Variants in BCKDHB observed in about 807,000 individuals in gnomAD.
BCKDHB encodes 2-oxoisovalerate dehydrogenase subunit beta, mitochondrial.
Under a neutral mutation model 48.5 loss-of-function variants are expected in BCKDHB, and 41 were observed. The observed-to-expected ratio is 0.85, with a 90% CI of 0.66 to 1.10. The LOEUF (loss-of-function observed/expected upper bound fraction) is 1.10. BCKDHB is among the 50% of genes least tolerant of loss of function. The pLI, the probability that BCKDHB is intolerant of heterozygous loss-of-function variation, is 0.00. For synonymous variants in BCKDHB, 201 were observed against 174.8 expected, an observed-to-expected ratio of 1.15 and a Z score of -1.18; for missense variants, 496 against 494.2, an observed-to-expected ratio of 1.00 and a Z score of -0.03.
intron 8 of BCKDHB, among the ~76,000 whole-genome samples, chr6:80,210,920 T>C (rs1398104791): frequency 6.6e-6 from 1 of 152,152 alleles, no homozygotes; most frequent in East Asian, 1.9e-4. Context: ...AAAAGTGAGC[T>C]GCCGTGTTAA....
At chr6:80,454,813 G>T in the BCKDHB span, among the ~76,000 whole-genome samples, 1 of 152,184 alleles carries the variant, frequency 6.6e-6, no homozygotes, top group South Asian at 2.1e-4. Flanking sequence ...TTTACGTTCT[G>T]CAGTCTAGCC....
intron 6 of BCKDHB, among the ~76,000 whole-genome samples, chr6:80,180,993 G>A (rs1325956571): frequency 2.0e-5 from 3 of 152,084 alleles, no homozygotes; most frequent in Non-Finnish European, 4.4e-5. Context: ...ATAAAAAATA[G>A]CAGTTCCTTA....
At chr6:80,445,712 A>C in the BCKDHB span, among the ~76,000 whole-genome samples, 1 of 152,190 alleles carries the variant, frequency 6.6e-6, no homozygotes, top group African/African-American at 2.4e-5. Flanking sequence ...ACCTACCCTT[A>C]TCTGCTCCTG....
chr6:80,269,622 C>T (rs1777652923), intron 8 of BCKDHB, among the ~76,000 whole-genome samples: 1 of 152,042 alleles, frequency 6.6e-6, no homozygotes, highest in Non-Finnish European at 1.5e-5. Flanking sequence ...CTTGCAAATC[C>T]AGCCTTACGT....
intron 8 of BCKDHB, among the ~76,000 whole-genome samples, chr6:80,263,848 A>G (rs1582464464): frequency 6.6e-6 from 1 of 152,074 alleles, no homozygotes; most frequent in East Asian, 1.9e-4. Flanking sequence ...CTGGGAGTAC[A>G]AGGGATGATG....
intron 8 of BCKDHB, among the ~76,000 whole-genome samples, chr6:80,220,500 T>C (rs1433212087): frequency 6.6e-6 from 1 of 150,648 alleles, no homozygotes; most frequent in Non-Finnish European, 1.5e-5. Flanking sequence ...TTTATGTCTC[T>C]TTCTTCTCTA....
chr6:80,276,118 AGTTATT>A (rs2127968984), intron 9 of BCKDHB, among the ~76,000 whole-genome samples: 1 of 152,154 alleles, frequency 6.6e-6, no homozygotes, highest in African/African-American at 2.4e-5. Context: ...TAAAATATGA[AGTTATT>A]GTTGGTTCAA....
the BCKDHB span, among the ~76,000 whole-genome samples, chr6:80,421,912 G>T: frequency 6.6e-6 from 1 of 152,164 alleles, no homozygotes; most frequent in East Asian, 1.9e-4. Flanking sequence ...TGACCATGAG[G>T]TAGAAAAGAA....
intron 8 of BCKDHB, among the ~76,000 whole-genome samples, chr6:80,234,691 T>C (rs1263721408): frequency 1.3e-5 from 2 of 152,086 alleles, no homozygotes; most frequent in African/African-American, 4.8e-5. Context: ...GCTGGCTGTG[T>C]ATACTAAAAA....
intron 1 of BCKDHB, among the ~76,000 whole-genome samples, chr6:80,114,680 C>T (rs545138985): frequency 1.3e-5 from 2 of 152,182 alleles, no homozygotes; most frequent in East Asian, 3.9e-4. Flanking sequence ...AGGGTAGTGC[C>T]GTTTGCTAAG....
At chr6:80,413,120 T>C in the BCKDHB span, among the ~76,000 whole-genome samples, 5 of 152,200 alleles carry the variant, frequency 3.3e-5, no homozygotes, top group Admixed American at 6.5e-5. Flanking sequence ...TCTCTGCTCC[T>C]CTGCAACTCT....
At chr6:80,326,695 C>T (rs1769047145) in intron 9 of BCKDHB, among the ~76,000 whole-genome samples, 1 of 152,092 alleles carries the variant, frequency 6.6e-6, no homozygotes, top group Non-Finnish European at 1.5e-5. Context: ...CGAGACCAGC[C>T]TGGGCAATAT....
the BCKDHB span, among the ~76,000 whole-genome samples, chr6:80,357,157 G>T: frequency 6.6e-6 from 1 of 152,046 alleles, no homozygotes; most frequent in African/African-American, 2.4e-5. Flanking sequence ...CTTTGCAAAG[G>T]TATGGGCGGA....
chr6:80,318,429 G>A (rs1768549212), intron 9 of BCKDHB, among the ~76,000 whole-genome samples: 1 of 152,252 alleles, frequency 6.6e-6, no homozygotes, highest in African/African-American at 2.4e-5. Context: ...GCTCATGTCT[G>A]TAATCCTAGC....
intron 8 of BCKDHB, among the ~76,000 whole-genome samples, chr6:80,239,379 T>C (rs2127908149): frequency 6.6e-6 from 1 of 152,360 alleles, no homozygotes; most frequent in Admixed American, 6.5e-5. Flanking sequence ...TTCATGTGTC[T>C]GTTGACTGCA....
intron 3 of BCKDHB, among the ~76,000 whole-genome samples, chr6:80,160,098 G>A (rs1772238861): frequency 6.6e-6 from 1 of 152,202 alleles, no homozygotes; most frequent in African/African-American, 2.4e-5. Flanking sequence ...AGGGACAGAA[G>A]AAACAGATTC....
At chr6:80,353,539 G>T in the BCKDHB span, among the ~76,000 whole-genome samples, 1 of 151,212 alleles carries the variant, frequency 6.6e-6, no homozygotes, top group Non-Finnish European at 1.5e-5. Context: ...ACTAAAATGT[G>T]TTTTTTTTTG....
chr6:80,310,409 A>C (rs777147134), intron 9 of BCKDHB, among the ~76,000 whole-genome samples: 3 of 152,182 alleles, frequency 2.0e-5, no homozygotes, highest in Non-Finnish European at 4.4e-5. Context: ...AGCTCCATCC[A>C]TGTCCCTGCA....
intron 8 of BCKDHB, among the ~76,000 whole-genome samples, chr6:80,264,082 A>G (rs1374679001): frequency 1.3e-5 from 2 of 152,200 alleles, no homozygotes; most frequent in Non-Finnish European, 2.9e-5. Context: ...TAACAAAAAT[A>G]AATTGATTTT....
Sources: allele counts gnomAD v4.1 joint callset (sites outside exome capture counted in the v4.1 genomes callset), GRCh38; gene constraint gnomAD v4.1.1; transcripts MANE v1.5; gene names NCBI Gene and HGNC (gene_info 2026-07-23, HGNC 2026-07-21).